The following PCDHA12 variants were observed in gnomAD, a reference collection of about 807,000 sequenced individuals.
PCDHA12 encodes the protein protocadherin alpha 12, also known as protocadherin alpha-12.
PCDHA12 carries 44 observed loss-of-function variants against 60.0 expected under a neutral mutation model. The ratio of observed to expected loss-of-function variants is 0.73; its 90% confidence interval spans 0.58 to 0.94. PCDHA12 has a LOEUF of 0.94. PCDHA12 is among the 40% of genes least tolerant of loss of function. The pLI, the probability that PCDHA12 is intolerant of heterozygous loss-of-function variation, is 0.00. For synonymous variants in PCDHA12, 569 were observed against 553.0 expected (o/e 1.03, Z -0.40); for missense variants, 1,276 against 1,239.7 (o/e 1.03, Z -0.44).
chr5:140,956,189 A>C (rs2095264873), intron 1 of PCDHA12, among the ~76,000 whole-genome samples: 1 of 152,142 alleles, frequency 6.6e-6, no homozygotes, highest in South Asian at 2.1e-4. Context: ...ACTATGCTGA[A>C]TAGGAGTGGT....
intron 1 of PCDHA12, among the ~76,000 whole-genome samples, chr5:140,971,036 G>A (rs919714179): frequency 2.0e-5 from 3 of 152,204 alleles, no homozygotes; most frequent in Non-Finnish European, 2.9e-5. Context: ...TTGAAAGCAC[G>A]TAAAAGGGTT....
chr5:140,877,222 T>A lies in PCDHA12; in HGVS notation c.1750T>A (p.Ser584Thr), dbSNP rs199811254. The change falls in exon 1 of 4, where the codon TCG becomes ACG. Residue 584 changes from serine to threonine, a missense_variant. Coordinates refer to ENST00000398631, the MANE Select transcript of PCDHA12 (RefSeq NM_018903.4). ...GGAVSELVPRSVGAGHVVAKV... is the reference protein window; with the variant it reads ...GGAVSELVPRTVGAGHVVAKV... ...CGCAGTTAGCGAGTTGGTACCGCGG[T>A]CGGTGGGTGCGGGCCACGTGGTGGC... The A allele has an allele frequency of 2.3e-4, 370 of 1,613,680 alleles. 1 individual carries two copies. The highest frequency in any genetic ancestry group is 3.0e-4 in the Admixed American group (18 of 59,992).
At chr5:140,926,371 G>A (rs1220733947) in intron 1 of PCDHA12, 1 of 152,352 alleles carries the variant, frequency 6.6e-6, no homozygotes, top group East Asian at 1.9e-4. Flanking sequence ...GCGGCAGGAA[G>A]AGCCCAGCTG....
At position 140,888,063 on chromosome 5, in the gene PCDHA12, T is replaced by A. The variant is rs1412671068; in HGVS notation, c.2367+10224T>A. On this transcript the variant is annotated intron_variant, in intron 1 of 3. Coordinates refer to ENST00000398631, the MANE Select transcript of PCDHA12 (RefSeq NM_018903.4). Reference sequence around the variant, plus strand: ...TGTATAATAGATGTTTTAACTTTCTTGTCTGCTAATTTCAACATTTTTGTC... The same window carrying A: ...TGTATAATAGATGTTTTAACTTTCTAGTCTGCTAATTTCAACATTTTTGTC... Among the ~76,000 whole-genome samples the A allele has an allele frequency of 2.0e-5, 3 of 152,238 alleles. No homozygotes were observed. In the East Asian group the frequency reaches 5.8e-4, roughly 29 times the overall value.
chr5:140,968,046 T>A (rs1554230254), intron 1 of PCDHA12: 2 of 1,614,072 alleles, frequency 1.2e-6, no homozygotes, highest in African/African-American at 1.3e-5. Context: ...AGCGGCCCAC[T>A]GGACCGAGAG....
At chr5:140,960,728 A>G (rs200453950) in intron 1 of PCDHA12, among the ~76,000 whole-genome samples, 1 of 30,214 alleles carries the variant, frequency 3.3e-5, no homozygotes, top group African/African-American at 2.6e-4. Flanking sequence ...ATTTTAGTCC[A>G]TGATTTTAGT....
At chr5:140,940,101 G>A (rs754155361) in intron 1 of PCDHA12, among the ~76,000 whole-genome samples, 23 of 152,148 alleles carry the variant, frequency 1.5e-4, no homozygotes, top group Non-Finnish European at 3.2e-4. Flanking sequence ...AACTTTTAGC[G>A]TTATGTATTA....
rs943373745 is a variant in PCDHA12 at position 140,935,260 on chromosome 5, G to A, written c.2368-43689G>A. Among the ~76,000 whole-genome samples the A allele has an allele frequency of 3.3e-5, 5 of 152,168 alleles. No individual in the cohort carries two copies. In the South Asian group the frequency reaches 8.3e-4, roughly 25 times the overall value. On this transcript the variant is annotated intron_variant, in intron 1 of 3. Transcript: ENST00000398631. ...TTTTAAAAGATAAAATACATCACAT[G>A]TTTATACTAATCTAATAAAGTTCAG... is the stretch of plus-strand genomic sequence containing the variant.
At chr5:140,998,968 T>A (rs2097841777) in intron 3 of PCDHA12, among the ~76,000 whole-genome samples, 1 of 152,238 alleles carries the variant, frequency 6.6e-6, no homozygotes, top group Non-Finnish European at 1.5e-5. Context: ...TCAAATAGTA[T>A]CCTAGAAAAT....
chr5:140,948,722 A>G (rs2094296449), intron 1 of PCDHA12, among the ~76,000 whole-genome samples: 1 of 151,574 alleles, frequency 6.6e-6, no homozygotes, highest in Admixed American at 6.6e-5. Context: ...TTTTTTATCA[A>G]TAAGTCTAGC....
At chr5:140,917,238 G>A (rs144302098) in intron 1 of PCDHA12, among the ~76,000 whole-genome samples, 1 of 150,440 alleles carries the variant, frequency 6.6e-6, no homozygotes, top group Non-Finnish European at 1.5e-5. Flanking sequence ...TTAAATCTAG[G>A]TACTACGATT....
intron 1 of PCDHA12, among the ~76,000 whole-genome samples, chr5:140,949,802 A>G (rs974562597): frequency 1.3e-5 from 2 of 151,818 alleles, no homozygotes; most frequent in Admixed American, 6.6e-5. Flanking sequence ...CCTTCAATAC[A>G]TTATTTGCTT....
chr5:140,904,738 A>T (rs1373664313), intron 1 of PCDHA12, among the ~76,000 whole-genome samples: 1 of 152,012 alleles, frequency 6.6e-6, no homozygotes, highest in African/African-American at 2.4e-5. Context: ...TTATTTTTTT[A>T]TTATGACCAT....
chr5:140,979,081 G>A, intron 2 of PCDHA12, 74 bp downstream of exon 2: 1 of 1,564,866 alleles, frequency 6.4e-7, no homozygotes, highest in South Asian at 1.2e-5. Flanking sequence ...CATCTCCATA[G>A]GCCAGAAGCA....
intron 1 of PCDHA12, among the ~76,000 whole-genome samples, chr5:140,964,874 A>C (rs1443431100): frequency 6.6e-6 from 1 of 152,178 alleles, no homozygotes; most frequent in East Asian, 1.9e-4. Flanking sequence ...GACAAATAAG[A>C]AGCAGCAGTG....
chr5:140,994,429 G>A (rs1474074265), intron 3 of PCDHA12, among the ~76,000 whole-genome samples: 1 of 152,110 alleles, frequency 6.6e-6, no homozygotes, highest in Non-Finnish European at 1.5e-5. Flanking sequence ...GAGGCCGGGC[G>A]CAGTGGCTCA....
chr5:140,876,819 C>T lies in PCDHA12; in HGVS notation c.1347C>T (p.Asn449=). 6.2e-7 allele frequency: 1 copy of T among 1,614,180 alleles called. No homozygotes were observed. The highest frequency in any genetic ancestry group is 1.7e-5 in the Admixed American group (1 of 60,032). Residue 449 remains asparagine, a synonymous_variant, in exon 1 of 4, where the codon AAC becomes AAT. Transcript: ENST00000398631. ...TGTCCGTGGAGGTGGCCGACGTGAA[C>T]GACAATGCGCCTGCGTTCGCGCAGC... ...ARVSVEVADV[N]DNAPAFAQPE...
intron 1 of PCDHA12, among the ~76,000 whole-genome samples, chr5:140,895,297 T>TC (rs1269688627): frequency 1.3e-5 from 2 of 152,118 alleles, no homozygotes; most frequent in African/African-American, 2.4e-5. Context: ...ACCTTCGATT[T>TC]CCCCCCTTCC....
intron 1 of PCDHA12, among the ~76,000 whole-genome samples, chr5:140,943,548 G>A (rs1280986902): frequency 6.6e-6 from 1 of 152,152 alleles, no homozygotes; most frequent in African/African-American, 2.4e-5. Context: ...GTAAATAGAC[G>A]TAGACAATAA....
Sources: allele counts gnomAD v4.1 joint callset (sites outside exome capture counted in the v4.1 genomes callset), GRCh38; gene constraint gnomAD v4.1.1; transcripts MANE v1.5; gene names NCBI Gene and HGNC (gene_info 2026-07-23, HGNC 2026-07-21).